The following DTD1 variants were observed in gnomAD, a reference collection of about 807,000 sequenced individuals.
DTD1 encodes D-tyrosyl-tRNA deacylase 1 homolog.
Under a neutral mutation model 25.6 loss-of-function variants are expected in DTD1, and 13 were observed. The observed-to-expected ratio is 0.51, with a 90% CI of 0.33 to 0.81. The LOEUF (loss-of-function observed/expected upper bound fraction) is 0.81, where lower values mean the gene tolerates loss of function less well. DTD1 is among the 30% of genes least tolerant of loss of function. DTD1 has a pLI of 0.02. For synonymous variants in DTD1, 110 were observed against 103.6 expected (o/e 1.06, Z -0.37); for missense variants, 193 against 266.4 (o/e 0.72, Z 1.92).
At chr20:18,641,290 G>A (rs942836477) in intron 4 of DTD1, among the ~76,000 whole-genome samples, 2 of 152,110 alleles carry the variant, frequency 1.3e-5, no homozygotes, top group East Asian at 1.9e-4. Flanking sequence ...TGTGAATAGC[G>A]CTGCTGTTAA....
At chr20:18,721,869 C>T (rs532658101) in intron 4 of DTD1, among the ~76,000 whole-genome samples, 7 of 152,012 alleles carry the variant, frequency 4.6e-5, no homozygotes, top group South Asian at 2.1e-4. Context: ...TCCAGCCCTG[C>T]GCTCTGTCCT....
chr20:18,750,159 C>T (rs915752830), intron 5 of DTD1, among the ~76,000 whole-genome samples: 7 of 152,136 alleles, frequency 4.6e-5, no homozygotes, highest in Non-Finnish European at 8.8e-5. Flanking sequence ...AGATCCTAAA[C>T]GGGACCAGAA....
chr20:18,597,989 CT>C (rs34856209), intron 3 of DTD1, among the ~76,000 whole-genome samples: 77,588 of 151,948 alleles, frequency 0.51, 20,181 homozygotes, highest in Middle Eastern at 0.57. Context: ...AACATTTTGT[CT>C]TTTTTTGTAA....
chr20:18,588,693 C>CCCCTCG (rs749326903), intron 1 of DTD1: 50 of 984,708 alleles, frequency 5.1e-5, no homozygotes, highest in Middle Eastern at 5.2e-4. Context: ...GCCCAGGACG[C>CCCCTCG]CCCTCGCCCT....
At chr20:18,588,236 C>T (rs896833445) in intron 1 of DTD1, 121 bp downstream of exon 1, 19 of 982,974 alleles carry the variant, frequency 1.9e-5, no homozygotes, top group African/African-American at 1.9e-4. Flanking sequence ...CGAGCCTGGT[C>T]CCCTTCGCGA....
intron 4 of DTD1, among the ~76,000 whole-genome samples, chr20:18,708,530 AT>A (rs1253856190): frequency 6.7e-6 from 1 of 148,872 alleles, no homozygotes; most frequent in Middle Eastern, 3.2e-3. Context: ...TAATTTTTGT[AT>A]ATTTAGTAGA....
intron 4 of DTD1, among the ~76,000 whole-genome samples, chr20:18,704,566 T>C (rs2061118612): frequency 6.6e-6 from 1 of 152,154 alleles, no homozygotes; most frequent in Admixed American, 6.6e-5. Flanking sequence ...GTTGTCACTG[T>C]TGTTTTTAAA....
chr20:18,662,429 G>A (rs956919277), intron 4 of DTD1, among the ~76,000 whole-genome samples: 1 of 152,110 alleles, frequency 6.6e-6, no homozygotes, highest in Admixed American at 6.6e-5. Context: ...CTGGGGGTGG[G>A]GGGGAGAGTA....
At chr20:18,759,631 TG>T (rs1568692687) in intron 5 of DTD1, among the ~76,000 whole-genome samples, 1 of 152,234 alleles carries the variant, frequency 6.6e-6, no homozygotes, top group African/African-American at 2.4e-5. Flanking sequence ...CTTCCCTTTG[TG>T]GGTAACCCAA....
At chr20:18,746,109 A>G (rs945319341) in intron 5 of DTD1, among the ~76,000 whole-genome samples, 6 of 152,140 alleles carry the variant, frequency 3.9e-5, no homozygotes, top group African/African-American at 9.7e-5. Context: ...GACGGTACCT[A>G]TTTTGGGTGT....
At chr20:18,652,409 A>C (rs1487601546) in intron 4 of DTD1, among the ~76,000 whole-genome samples, 3 of 152,386 alleles carry the variant, frequency 2.0e-5, no homozygotes, top group African/African-American at 7.2e-5. Flanking sequence ...AATCTTGGAC[A>C]ACATTTTTAC....
chr20:18,661,565 G>A (rs1245284779), intron 4 of DTD1, among the ~76,000 whole-genome samples: 1 of 152,022 alleles, frequency 6.6e-6, no homozygotes, highest in Non-Finnish European at 1.5e-5. Flanking sequence ...TAGAGACGGG[G>A]TTTCACCGTG....
chr20:18,684,908 C>CTT (rs1221835754), intron 4 of DTD1, among the ~76,000 whole-genome samples: 1 of 141,200 alleles, frequency 7.1e-6, no homozygotes. Flanking sequence ...TGTTTTTTTG[C>CTT]TTTTTTTTTT....
intron 4 of DTD1, among the ~76,000 whole-genome samples, chr20:18,629,925 G>A (rs528973852): frequency 1.3e-5 from 2 of 152,100 alleles, no homozygotes; most frequent in South Asian, 2.1e-4. Context: ...CAAGGGGGAA[G>A]TCTACCCCCA....
chr20:18,741,726 TA>T (rs1158926211), intron 4 of DTD1, among the ~76,000 whole-genome samples: 5 of 151,584 alleles, frequency 3.3e-5, no homozygotes, highest in Admixed American at 1.3e-4. Flanking sequence ...TTTTTTTAAT[TA>T]AAAAAAATTT....
chr20:18,640,286 A>G (rs1351663017), intron 4 of DTD1, among the ~76,000 whole-genome samples: 2 of 152,060 alleles, frequency 1.3e-5, no homozygotes, highest in Non-Finnish European at 1.5e-5. Context: ...TTTTCTCATG[A>G]GTCCATAAAA....
At chr20:18,673,064 C>G (rs916185393) in intron 4 of DTD1, among the ~76,000 whole-genome samples, 2 of 152,170 alleles carry the variant, frequency 1.3e-5, no homozygotes, top group Non-Finnish European at 2.9e-5. Flanking sequence ...TAGTGAATTG[C>G]AGAAAGAGTT....
intron 4 of DTD1, among the ~76,000 whole-genome samples, chr20:18,660,479 C>A (rs1364457619): frequency 6.6e-6 from 1 of 151,958 alleles, no homozygotes; most frequent in Non-Finnish European, 1.5e-5. Flanking sequence ...CCTTGGCCTC[C>A]CAAAGTGCTG....
chr20:18,655,588 T>C (rs535696676), intron 4 of DTD1, among the ~76,000 whole-genome samples: 1 of 152,262 alleles, frequency 6.6e-6, no homozygotes, highest in Non-Finnish European at 1.5e-5. Context: ...TGCATGGGCG[T>C]CCCTGTGAAA....
Sources: allele counts gnomAD v4.1 joint callset (sites outside exome capture counted in the v4.1 genomes callset), GRCh38; gene constraint gnomAD v4.1.1; transcripts MANE v1.5; gene names NCBI Gene and HGNC (gene_info 2026-07-23, HGNC 2026-07-21).